HEATR1: variants seen among roughly 807,000 people sequenced by gnomAD.
HEATR1 encodes the protein HEAT repeat containing 1.
In HEATR1, 77 loss-of-function variants were observed where a neutral mutation model predicts 248.2. The ratio of observed to expected loss-of-function variants is 0.31; its 90% CI spans 0.26 to 0.37. The LOEUF (loss-of-function observed/expected upper bound fraction) is 0.37. Ranked by LOEUF, HEATR1 falls within the 10% of genes least tolerant of loss-of-function variation. HEATR1 has a pLI of 1.00. For missense variants in HEATR1, 2,420 were observed against 2,504.9 expected (o/e 0.97, Z 0.72); for synonymous variants, 897 against 923.1 (o/e 0.97, Z 0.51).
intron 36 of HEATR1, among the ~76,000 whole-genome samples, chr1:236,557,854 G>A (rs757330352): frequency 1.1e-4 from 16 of 152,258 alleles, no homozygotes; most frequent in Non-Finnish European, 5.9e-5. Flanking sequence ...AAGGAAGGAA[G>A]AATGGAGGAC....
chr1:236,570,771 A>T (rs72758119), intron 28 of HEATR1, among the ~76,000 whole-genome samples: 1 of 152,120 alleles, frequency 6.6e-6, no homozygotes, highest in African/African-American at 2.4e-5. Context: ...CATACAGATA[A>T]AACTTTGCAT....
At chr1:236,551,928 G>A (rs1178974585) in intron 44 of HEATR1, 71 bp downstream of exon 44, 1 of 982,308 alleles carries the variant, frequency 1.0e-6, no homozygotes, top group African/African-American at 1.6e-5. Context: ...ATTATCATTG[G>A]GCACATTTTC....
At chr1:236,590,238 G>T (rs972923650) in intron 12 of HEATR1, among the ~76,000 whole-genome samples, 3 of 151,098 alleles carry the variant, frequency 2.0e-5, no homozygotes, top group African/African-American at 2.4e-5. Context: ...AAATTTCTCG[G>T]TTTTTTTTTG....
intron 12 of HEATR1, 94 bp downstream of exon 12, chr1:236,590,750 CATT>C (rs922251219): frequency 1.5e-5 from 7 of 480,162 alleles, no homozygotes; most frequent in Non-Finnish European, 2.6e-5. Flanking sequence ...TCATCTGTAT[CATT>C]ACCCACTTAG....
chr1:236,587,977 C>T lies in HEATR1; in HGVS notation c.1597G>A (p.Val533Ile), dbSNP rs200359420. ...AAAGCACTTATAGCCGACAAAACAA[C>T]ATCTATATTATCATCACCTAATCGG... ...LARLGDDNID[V>I]VLSAISAFEI... Residue 533 changes from valine to isoleucine, a missense_variant, in exon 13 of 45, where the codon GTT becomes ATT. By Grantham distance (29) the Val-to-Ile change is conservative. Coordinates refer to ENST00000366582, the MANE Select transcript of HEATR1 (RefSeq NM_018072.6). The T allele has an allele frequency of 1.9e-6, 3 of 1,611,770 alleles. No individual in the cohort carries two copies. The African/African-American group carries it at 4.0e-5, about 22-fold the overall frequency.
intron 32 of HEATR1, among the ~76,000 whole-genome samples, chr1:236,563,186 T>C (rs892784671): frequency 6.6e-6 from 1 of 152,254 alleles, no homozygotes; most frequent in African/African-American, 2.4e-5. Flanking sequence ...TCATTAGGTA[T>C]GATATAAACC....
chr1:236,593,916 A>T (rs1664107897), intron 9 of HEATR1, 96 bp downstream of exon 9: 1 of 775,018 alleles, frequency 1.3e-6, no homozygotes, highest in Non-Finnish European at 2.2e-6. Flanking sequence ...CAAGATATAC[A>T]TTAAAAAGGA....
At position 236,558,280 on chromosome 1, in the gene HEATR1, C is replaced by T; in HGVS notation, c.5161G>A (p.Val1721Met). 6.2e-7 allele frequency: 1 copy of T among 1,614,154 alleles called. No homozygotes were observed. Among genetic ancestry groups the T allele is most frequent in the Non-Finnish European group, 8.5e-7 (1 of 1,180,048 alleles). ...GCCAGCGCCTCCAGGGTGGAGGTCA[C>T]CTCTGCTATGCACAGCAGCGCGCTT... ...LGSALLCIAE[V>M]TSTLEALAIP... Residue 1721 changes from valine to methionine, a missense_variant, in exon 36 of 45, where the codon GTG becomes ATG. Coordinates refer to ENST00000366582, the MANE Select transcript of HEATR1 (RefSeq NM_018072.6).
intron 32 of HEATR1, 59 bp from the exon 33 acceptor site, chr1:236,561,330 C>A: frequency 7.5e-7 from 1 of 1,331,288 alleles, no homozygotes; most frequent in South Asian, 1.2e-5. Flanking sequence ...AAAGTCATTT[C>A]AAGTCAGTTC....
rs190697551 is a variant in HEATR1, at chr1:236,602,871, C to A, written c.359+289G>T. 1.2e-5 allele frequency: 3 copies of A among 259,350 alleles called. No homozygotes were observed. In the Admixed American group the frequency reaches 1.5e-4, roughly 13 times the overall value. 16.1% of individuals were successfully genotyped at this position (259,350 alleles called of 1,614,324 possible). A position where few individuals can be genotyped will look rare whatever the true frequency, so the allele number is the denominator to read the frequency against. On this transcript the variant is annotated intron_variant, in intron 3 of 44. Transcript: ENST00000366582. ...CCTGGGAGGCAGAGGTTGCAGTGAG[C>A]CAAGATTTCAATATTGCACTCCAGC... is the stretch of plus-strand genomic sequence containing the variant.
At chr1:236,587,186 G>C (rs185581982) in intron 14 of HEATR1, among the ~76,000 whole-genome samples, 65 of 151,976 alleles carry the variant, frequency 4.3e-4, no homozygotes, top group African/African-American at 1.5e-3. Flanking sequence ...TTTATTAAGA[G>C]AAATTCCAAA....
chr1:236,570,214 A>G (rs1030383944), intron 28 of HEATR1, among the ~76,000 whole-genome samples: 2 of 152,208 alleles, frequency 1.3e-5, no homozygotes, highest in Non-Finnish European at 1.5e-5. Flanking sequence ...GCATGAACCC[A>G]AGAGGCAGAG....
rs1361485707 is a variant in HEATR1, at chr1:236,585,035, A to G, written c.2231T>C (p.Ile744Thr). The change falls in exon 17 of 45, where the codon ATT becomes ACT. Residue 744 changes from isoleucine (I) to threonine (T), a missense_variant. By Grantham distance (89) the Ile-to-Thr change is moderately conservative (BLOSUM62 -1). Transcript: ENST00000366582. ...TTCTGCTTTCCTTACCACTGCAGTA[A>G]TGACACTTTCAAGCTTCTTTATTTT... ...QKKIKKLESV[I>T]TAVEIPSEWH... 1 of 1,612,868 alleles carries G rather than the reference A, an allele frequency of 6.2e-7. No individual in the cohort carries two copies. Among genetic ancestry groups the G allele is most frequent in the South Asian group, 1.1e-5 (1 of 90,858 alleles).
At chr1:236,568,302 T>C (rs1466075490) in intron 29 of HEATR1, among the ~76,000 whole-genome samples, 1 of 152,204 alleles carries the variant, frequency 6.6e-6, no homozygotes, top group Non-Finnish European at 1.5e-5. Context: ...TAGGTATATA[T>C]CCTATACTTG....
intron 23 of HEATR1, 140 bp from the exon 24 acceptor site, chr1:236,574,473 C>A: frequency 8.2e-7 from 1 of 1,220,030 alleles, no homozygotes; most frequent in Non-Finnish European, 1.1e-6. Flanking sequence ...TTTTTAATGA[C>A]CCATGTACAA....
chr1:236,591,409 A>G (rs1234394134), intron 11 of HEATR1, among the ~76,000 whole-genome samples: 1 of 152,196 alleles, frequency 6.6e-6, no homozygotes, highest in African/African-American at 2.4e-5. Context: ...AGATTTGGAA[A>G]TGCAACACCA....
intron 12 of HEATR1, among the ~76,000 whole-genome samples, chr1:236,588,783 T>C (rs1433298976): frequency 6.6e-6 from 1 of 152,204 alleles, no homozygotes; most frequent in Admixed American, 6.5e-5. Context: ...TAGGTCACTC[T>C]GTTGGGAGAA....
At chr1:236,565,484 G>A (rs1293927292) in intron 31 of HEATR1, among the ~76,000 whole-genome samples, 1 of 152,128 alleles carries the variant, frequency 6.6e-6, no homozygotes, top group African/African-American at 2.4e-5. Context: ...CAGCCTCAGT[G>A]GTGCTGCGGT....
At chr1:236,562,166 T>G (rs1257902510) in intron 32 of HEATR1, among the ~76,000 whole-genome samples, 1 of 152,230 alleles carries the variant, frequency 6.6e-6, no homozygotes, top group Non-Finnish European at 1.5e-5. Flanking sequence ...CTAAATGACA[T>G]TGTACATTAA....
Sources: gnomAD v4.1 joint callset for allele counts (sites outside exome capture counted in the v4.1 genomes callset) on GRCh38, gnomAD v4.1.1 for gene constraint, MANE v1.5 for transcripts, NCBI Gene and HGNC (gene_info 2026-07-23, HGNC 2026-07-21) for gene names.